ANKAR: variants seen among roughly 807,000 people sequenced by gnomAD.
The protein encoded by ANKAR is ankyrin and armadillo repeat containing.
ANKAR carries 136 observed loss-of-function variants against 146.2 expected under a neutral mutation model. The ratio of observed to expected loss-of-function variants is 0.93; its 90% CI spans 0.81 to 1.07. ANKAR has a LOEUF of 1.07. ANKAR is among the 50% of genes least tolerant of loss of function. ANKAR has a pLI of 0.00. For missense variants in ANKAR, 1,567 were observed against 1,679.9 expected (o/e 0.93, Z 1.18); for synonymous variants, 500 against 575.8 (o/e 0.87, Z 1.88).
At chr2:189,748,710 T>A (rs1000883596), downstream of ANKAR, among the ~76,000 whole-genome samples, 1 of 152,224 alleles carries the variant, frequency 6.6e-6, no homozygotes, top group Non-Finnish European at 1.5e-5. Context: ...CCATTAAGGA[T>A]AAGAATTTAT....
At chr2:189,754,769 C>T in intron 18 of ANKAR, 1 of 233,740 alleles carries the variant, frequency 4.3e-6, no homozygotes, top group Non-Finnish European at 8.2e-6. Flanking sequence ...GGGGGGGGAC[C>T]CTGTCTGTGG....
intron 21 of ANKAR, 123 bp from the exon 22 acceptor site, chr2:189,744,619 T>C: frequency 3.3e-6 from 2 of 597,166 alleles, no homozygotes; most frequent in Non-Finnish European, 5.9e-6. Context: ...GGAGGTAACA[T>C]GTATGAATTA....
intron 1 of ANKAR, among the ~76,000 whole-genome samples, chr2:189,675,154 G>A (rs1202564278): frequency 3.3e-5 from 5 of 151,382 alleles, no homozygotes; most frequent in Non-Finnish European, 7.4e-5. Flanking sequence ...GTGGGATTCA[G>A]CGATTTGTAT....
At chr2:189,709,880 C>T (rs1265862651) in intron 9 of ANKAR, among the ~76,000 whole-genome samples, 3 of 152,088 alleles carry the variant, frequency 2.0e-5, no homozygotes, top group Admixed American at 2.0e-4. Context: ...AAGCTCTGCC[C>T]CCTAACAGGA....
At chr2:189,706,074 C>T (rs1273254629) in intron 8 of ANKAR, among the ~76,000 whole-genome samples, 1 of 151,560 alleles carries the variant, frequency 6.6e-6, no homozygotes, top group East Asian at 2.0e-4. Flanking sequence ...ATGGCAACTC[C>T]TGCTTTCACC....
chr2:189,676,320 A>T, intron 1 of ANKAR, 136 bp from the exon 2 acceptor site: 3 of 745,902 alleles, frequency 4.0e-6, no homozygotes, highest in Non-Finnish European at 6.0e-6. Context: ...AGTTATTTTT[A>T]ATTTGAAAAC....
At chr2:189,742,971 CACA>C (rs2043587795) in intron 20 of ANKAR, among the ~76,000 whole-genome samples, 1 of 127,036 alleles carries the variant, frequency 7.9e-6, no homozygotes, top group Non-Finnish European at 1.7e-5. Flanking sequence ...CACACACACA[CACA>C]CACACACCCC....
At position 189,706,809 on chromosome 2, in the gene ANKAR, G is replaced by A. The variant is rs560462289; in HGVS notation, c.1911-129G>A. ...ATCCATTTACATGTAGAATACGGAAGATGAGAATTCCTAAGAATAGAAGGT... is the reference window on the plus strand; with the variant it reads ...ATCCATTTACATGTAGAATACGGAAAATGAGAATTCCTAAGAATAGAAGGT... On this transcript the variant is annotated intron_variant, in intron 8 of 22. Coordinates refer to ENST00000684021, the MANE Select transcript of ANKAR (RefSeq NM_001378068.1). The A allele has an allele frequency of 7.8e-5, 51 of 650,786 alleles. No homozygotes were observed. In the African/African-American group the frequency reaches 8.7e-4, roughly 11 times the overall value. The allele number at this position is 650,786 out of a possible 1,614,324, so 40.3% of individuals were successfully genotyped here.
chr2:189,721,692 T>C (rs1392284030), intron 12 of ANKAR, among the ~76,000 whole-genome samples: 2 of 152,176 alleles, frequency 1.3e-5, no homozygotes, highest in African/African-American at 4.8e-5. Context: ...AGTTAGCACA[T>C]TTAACAGGTA....
chr2:189,696,102 A>G, intron 6 of ANKAR, 48 bp from the exon 7 acceptor site: 1 of 1,578,472 alleles, frequency 6.3e-7, no homozygotes, highest in Non-Finnish European at 8.7e-7. Flanking sequence ...CCTTAAACCA[A>G]ACTTTAGGTG....
At chr2:189,740,357 C>G (rs569753873) in intron 19 of ANKAR, among the ~76,000 whole-genome samples, 1 of 152,092 alleles carries the variant, frequency 6.6e-6, no homozygotes, top group Non-Finnish European at 1.5e-5. Context: ...TTTCCCCATT[C>G]GGAGGCAATA....
chr2:189,752,751 C>T, intron 18 of ANKAR: 1 of 1,613,580 alleles, frequency 6.2e-7, no homozygotes, highest in Non-Finnish European at 8.5e-7. Context: ...AAAATAAAAT[C>T]AATAGCTCCA....
chr2:189,733,806 T>A (rs546090794), intron 17 of ANKAR, among the ~76,000 whole-genome samples: 23 of 151,772 alleles, frequency 1.5e-4, no homozygotes, highest in East Asian at 3.9e-4. Flanking sequence ...TTGTTTTTTT[T>A]ATTTAATTTA....
chr2:189,762,737 T>G, downstream of ANKAR: 1 of 985,522 alleles, frequency 1.0e-6, no homozygotes. Context: ...TACTAAAGAC[T>G]GTCGACTGCC....
chr2:189,720,109 T>G (rs2041058040), intron 11 of ANKAR, among the ~76,000 whole-genome samples: 1 of 152,254 alleles, frequency 6.6e-6, no homozygotes, highest in Non-Finnish European at 1.5e-5. Flanking sequence ...GGGCAATATA[T>G]TCAATTAATC....
At chr2:189,734,808 A>G (rs2042696962) in intron 17 of ANKAR, among the ~76,000 whole-genome samples, 1 of 152,020 alleles carries the variant, frequency 6.6e-6, no homozygotes, top group Non-Finnish European at 1.5e-5. Context: ...TACTAAAGAG[A>G]TAAAAATTGG....
At chr2:189,706,102 G>A (rs1044108250) in intron 8 of ANKAR, among the ~76,000 whole-genome samples, 2 of 151,782 alleles carry the variant, frequency 1.3e-5, no homozygotes, top group Non-Finnish European at 2.9e-5. Context: ...CTAGCCATGA[G>A]AAGAAAGAAG....
At chr2:189,721,447 G>C (rs1202616647) in intron 12 of ANKAR, among the ~76,000 whole-genome samples, 1 of 152,206 alleles carries the variant, frequency 6.6e-6, no homozygotes, top group South Asian at 2.1e-4. Flanking sequence ...GCTACCTTGG[G>C]TGAATAGTAC....
At chr2:189,686,663 G>A (rs763215923) in intron 2 of ANKAR, among the ~76,000 whole-genome samples, 1 of 152,060 alleles carries the variant, frequency 6.6e-6, no homozygotes, top group Non-Finnish European at 1.5e-5. Context: ...ACGTTTTCTT[G>A]TTGTTTCATA....
Sources: allele counts gnomAD v4.1 joint callset (sites outside exome capture counted in the v4.1 genomes callset), GRCh38; gene constraint gnomAD v4.1.1; transcripts MANE v1.5; gene names NCBI Gene and HGNC (gene_info 2026-07-23, HGNC 2026-07-21).